DACH1: variants seen among roughly 807,000 people sequenced by gnomAD.
The protein encoded by DACH1 is dachshund family transcription factor 1, also known as dachshund homolog 1.
DACH1 carries 12 observed loss-of-function variants against 54.2 expected under a neutral mutation model. The ratio of observed to expected loss-of-function variants is 0.22; its 90% CI spans 0.14 to 0.36. The LOEUF (loss-of-function observed/expected upper bound fraction) is 0.36. Ranked by LOEUF, DACH1 falls within the 10% of genes least tolerant of loss-of-function variation. The pLI is 1.00. For synonymous variants in DACH1, 386 were observed against 366.2 expected, an observed-to-expected ratio of 1.05 and a Z score of -0.62; for missense variants, 805 against 929.8, an observed-to-expected ratio of 0.87 and a Z score of 1.75.
intron 1 of DACH1, among the ~76,000 whole-genome samples, chr13:71,754,872 T>C (rs1368395223): frequency 1.3e-5 from 2 of 152,190 alleles, no homozygotes; most frequent in African/African-American, 4.8e-5. Flanking sequence ...AAGTATGTTA[T>C]GAATTGTTAA....
chr13:71,572,329 T>C (rs978701839), intron 4 of DACH1, among the ~76,000 whole-genome samples: 4 of 152,150 alleles, frequency 2.6e-5, no homozygotes, highest in Non-Finnish European at 5.9e-5. Context: ...ATAACAATAA[T>C]GTTACCTTTA....
At chr13:71,794,363 A>C (rs920087367) in intron 1 of DACH1, among the ~76,000 whole-genome samples, 5 of 152,242 alleles carry the variant, frequency 3.3e-5, no homozygotes, top group Non-Finnish European at 7.3e-5. Flanking sequence ...TGGTGTCTCC[A>C]CATCAAATAT....
intron 3 of DACH1, among the ~76,000 whole-genome samples, chr13:71,577,875 GCA>G (rs967251315): frequency 1.3e-5 from 2 of 151,980 alleles, no homozygotes; most frequent in African/African-American, 4.8e-5. Flanking sequence ...TGTACGCACG[GCA>G]CCAATTATAG....
intron 2 of DACH1, among the ~76,000 whole-genome samples, chr13:71,662,642 T>C (rs1879583543): frequency 6.6e-6 from 1 of 152,070 alleles, no homozygotes; most frequent in Non-Finnish European, 1.5e-5. Context: ...AGTGATTGCC[T>C]TGAATCTTCA....
At chr13:71,496,393 A>G (rs1210768010) in intron 6 of DACH1, among the ~76,000 whole-genome samples, 2 of 149,882 alleles carry the variant, frequency 1.3e-5, no homozygotes, top group Non-Finnish European at 3.0e-5. Flanking sequence ...GCCATAAATA[A>G]GAATGAAATT....
At chr13:71,791,230 A>G (rs2138094728) in intron 1 of DACH1, among the ~76,000 whole-genome samples, 1 of 152,314 alleles carries the variant, frequency 6.6e-6, no homozygotes, top group African/African-American at 2.4e-5. Flanking sequence ...CAGCTGTGCT[A>G]ATATAACCCA....
At chr13:71,814,121 G>A (rs529472501) in intron 1 of DACH1, among the ~76,000 whole-genome samples, 2 of 152,290 alleles carry the variant, frequency 1.3e-5, no homozygotes, top group African/African-American at 2.4e-5. Flanking sequence ...AAATAAAAAC[G>A]TAAAAACTTT....
chr13:71,499,299 T>C (rs2138228726), intron 6 of DACH1, among the ~76,000 whole-genome samples: 1 of 152,336 alleles, frequency 6.6e-6, no homozygotes, highest in Non-Finnish European at 1.5e-5. Flanking sequence ...CCAGTAGGTT[T>C]AACCTCACTG....
intron 6 of DACH1, among the ~76,000 whole-genome samples, chr13:71,519,883 G>GTGTGTATATATATATATATATATATA (rs552808622): frequency 3.1e-4 from 9 of 29,328 alleles, no homozygotes; most frequent in Non-Finnish European, 6.9e-4. Context: ...AACCAAAGTA[G>GTGTGTATATATATATATATATATATA]TATATATATA....
At chr13:71,483,897 A>C (rs1157262264) in intron 7 of DACH1, among the ~76,000 whole-genome samples, 2 of 152,216 alleles carry the variant, frequency 1.3e-5, no homozygotes, top group African/African-American at 4.8e-5. Flanking sequence ...TACTGTATAG[A>C]CAGGTATATA....
intron 1 of DACH1, among the ~76,000 whole-genome samples, chr13:71,765,430 C>T (rs968231526): frequency 6.6e-6 from 1 of 152,180 alleles, no homozygotes; most frequent in Admixed American, 6.5e-5. Flanking sequence ...TTCTAACTAG[C>T]CTTCTTGCCT....
chr13:71,680,995 A>G (rs926942281), intron 2 of DACH1, among the ~76,000 whole-genome samples: 33 of 151,944 alleles, frequency 2.2e-4, no homozygotes, highest in Non-Finnish European at 3.8e-4. Flanking sequence ...ATATGTTCCT[A>G]TGTATATTTC....
chr13:71,748,761 T>C (rs886542472), intron 1 of DACH1, among the ~76,000 whole-genome samples: 1 of 152,216 alleles, frequency 6.6e-6, no homozygotes, highest in African/African-American at 2.4e-5. Flanking sequence ...GGACATTTTC[T>C]TAACTAATAT....
chr13:71,728,328 T>C (rs1218616937), intron 1 of DACH1, among the ~76,000 whole-genome samples: 4 of 151,978 alleles, frequency 2.6e-5, no homozygotes, highest in Non-Finnish European at 5.9e-5. Flanking sequence ...AACCCAAAAT[T>C]AGAATTTCCC....
chr13:71,587,702 T>C (rs1234005380), intron 3 of DACH1, among the ~76,000 whole-genome samples: 2 of 152,068 alleles, frequency 1.3e-5, no homozygotes, highest in East Asian at 3.9e-4. Flanking sequence ...TAACTTGGCT[T>C]TTTGAAGTAA....
At chr13:71,686,671 TTGAG>T in intron 1 of DACH1, among the ~76,000 whole-genome samples, 1 of 152,236 alleles carries the variant, frequency 6.6e-6, no homozygotes, top group East Asian at 1.9e-4. Flanking sequence ...TCAGTAGTTT[TTGAG>T]AAATTAAGCT....
At chr13:71,469,356 G>GA (rs202150119) in intron 10 of DACH1, among the ~76,000 whole-genome samples, 18 of 145,518 alleles carry the variant, frequency 1.2e-4, no homozygotes, top group East Asian at 8.0e-4. Flanking sequence ...TTTGATTTAA[G>GA]AAAAAAAAAA....
Position 71,439,884 on chromosome 13 carries a change from T to A in DACH1, c.*771A>T, listed in dbSNP as rs1052592786. The A allele has an allele frequency of 1.3e-5, 2 of 152,440 alleles. No individual in the cohort carries two copies. The highest frequency in any genetic ancestry group is 4.8e-5 in the African/African-American group (2 of 41,434). The allele number at this position is 152,440 out of a possible 1,614,324, so 9.4% of individuals were successfully genotyped here. A position where few individuals can be genotyped will look rare whatever the true frequency, so the allele number is the denominator to read the frequency against. On this transcript the variant is annotated 3_prime_UTR_variant, in exon 11 of 11. Coordinates refer to ENST00000613252, the MANE Select transcript of DACH1 (RefSeq NM_080759.6). Reference sequence around the variant, plus strand: ...CCAACAGTTTGAATAAGAAGCAACATTATTATCTTTAATTCTACATACCAC... The same window carrying A: ...CCAACAGTTTGAATAAGAAGCAACAATATTATCTTTAATTCTACATACCAC...
chr13:71,574,946 T>C (rs1885439730), intron 3 of DACH1, among the ~76,000 whole-genome samples: 1 of 152,020 alleles, frequency 6.6e-6, no homozygotes, highest in Non-Finnish European at 1.5e-5. Context: ...TATCCCTAGG[T>C]ACTAGTCAAA....
Sources: gnomAD v4.1 joint callset for allele counts (sites outside exome capture counted in the v4.1 genomes callset) on GRCh38, gnomAD v4.1.1 for gene constraint, MANE v1.5 for transcripts, NCBI Gene and HGNC (gene_info 2026-07-23, HGNC 2026-07-21) for gene names.